Variants in C1orf87 observed in about 807,000 individuals in gnomAD.
C1orf87 encodes uncharacterized protein C1orf87.
A neutral mutation model predicts 60.5 loss-of-function variants in C1orf87; 58 were observed. The ratio of observed to expected loss-of-function variants is 0.96; its 90% confidence interval spans 0.78 to 1.19. The LOEUF is 1.19. Among genes scored for constraint, C1orf87 ranks in the 50% most tolerant of loss-of-function variants. The probability of loss-of-function intolerance (pLI) is 0.00; values close to 1 mark genes in which losing one functional copy is unlikely to be tolerated. For synonymous variants in C1orf87, 236 were observed against 227.4 expected, an observed-to-expected ratio of 1.04 and a Z score of -0.34; for missense variants, 673 against 638.6, an observed-to-expected ratio of 1.05 and a Z score of -0.58.
chr1:60,060,091 T>TTC (rs35383294), intron 2 of C1orf87, among the ~76,000 whole-genome samples: 1 of 51,268 alleles, frequency 2.0e-5, no homozygotes, highest in Admixed American at 1.5e-4. Context: ...TTTCTTTTTC[T>TTC]TTTTTTTTTT....
chr1:60,014,077 TC>T (rs751105196), intron 8 of C1orf87, among the ~76,000 whole-genome samples: 5 of 152,142 alleles, frequency 3.3e-5, no homozygotes, highest in Non-Finnish European at 7.4e-5. Context: ...CTTGCTTACT[TC>T]AACTTTCTGC....
At chr1:60,014,150 G>T (rs1458811375) in intron 8 of C1orf87, among the ~76,000 whole-genome samples, 2 of 152,124 alleles carry the variant, frequency 1.3e-5, no homozygotes, top group African/African-American at 4.8e-5. Flanking sequence ...GGTTAAGTGT[G>T]TATCCTTGGG....
chr1:60,054,474 T>C (rs1279953908), intron 3 of C1orf87, among the ~76,000 whole-genome samples: 2 of 152,274 alleles, frequency 1.3e-5, no homozygotes, highest in African/African-American at 4.8e-5. Flanking sequence ...TAGAGTGTAC[T>C]GCAGAATCTA....
intron 3 of C1orf87, among the ~76,000 whole-genome samples, chr1:60,046,907 A>T (rs1645376030): frequency 6.6e-6 from 1 of 152,252 alleles, no homozygotes; most frequent in Admixed American, 6.5e-5. Context: ...CTTGTAAAAT[A>T]GTAGTTAAAT....
intron 9 of C1orf87, among the ~76,000 whole-genome samples, chr1:60,008,277 A>AT (rs1356726905): frequency 2.0e-5 from 3 of 152,008 alleles, no homozygotes; most frequent in Non-Finnish European, 4.4e-5. Context: ...TTTCTTTTAT[A>AT]TTTTGCCCAT....
At chr1:60,014,568 A>G (rs768877009) in intron 8 of C1orf87, among the ~76,000 whole-genome samples, 1 of 152,170 alleles carries the variant, frequency 6.6e-6, no homozygotes, top group Non-Finnish European at 1.5e-5. Flanking sequence ...AAAGCACTAA[A>G]CACACAAAAT....
At chr1:60,010,875 T>C (rs1645078939) in intron 8 of C1orf87, 2 of 18,778 alleles carry the variant, frequency 1.1e-4, no homozygotes, top group Admixed American at 7.9e-4. Flanking sequence ...GCTGTTGATA[T>C]AAATAAATAA....
At chr1:60,063,073 A>C (rs556027309) in intron 2 of C1orf87, among the ~76,000 whole-genome samples, 24 of 152,326 alleles carry the variant, frequency 1.6e-4, no homozygotes, top group African/African-American at 5.8e-4. Context: ...GCTTAATAGA[A>C]GTATGATTTT....
intron 7 of C1orf87, among the ~76,000 whole-genome samples, chr1:60,032,444 T>G (rs936387602): frequency 4.1e-5 from 6 of 144,930 alleles, no homozygotes; most frequent in African/African-American, 1.5e-4. Flanking sequence ...TTTTTTTTTT[T>G]TTTTTTTTTT....
intron 3 of C1orf87, among the ~76,000 whole-genome samples, chr1:60,042,710 C>T (rs924583314): frequency 2.0e-5 from 3 of 152,178 alleles, no homozygotes; most frequent in African/African-American, 7.2e-5. Context: ...TTTGGAAAGC[C>T]AAGGCTTGCA....
intron 8 of C1orf87, among the ~76,000 whole-genome samples, chr1:60,013,785 G>C (rs1167453826): frequency 6.6e-6 from 1 of 151,398 alleles, no homozygotes; most frequent in African/African-American, 2.4e-5. Context: ...CTTGCTCACT[G>C]CTCACTAGAC....
chr1:60,029,855 G>A (rs1015650276), intron 7 of C1orf87, among the ~76,000 whole-genome samples: 1 of 151,744 alleles, frequency 6.6e-6, no homozygotes, highest in Non-Finnish European at 1.5e-5. Flanking sequence ...TGGCCAGGAT[G>A]GTCTCCATCT....
chr1:60,024,051 C>G (rs1015124844), intron 8 of C1orf87, among the ~76,000 whole-genome samples: 3 of 152,018 alleles, frequency 2.0e-5, no homozygotes, highest in Non-Finnish European at 4.4e-5. Flanking sequence ...TATAAGTGTT[C>G]TTTTAATATG....
At chr1:60,026,546 G>C (rs1316069675) in intron 7 of C1orf87, among the ~76,000 whole-genome samples, 1 of 151,580 alleles carries the variant, frequency 6.6e-6, no homozygotes, top group Non-Finnish European at 1.5e-5. Context: ...AGGAAGAAGA[G>C]AGGAAACAAG....
At position 60,024,804 on chromosome 1, in the gene C1orf87, G is replaced by A. The variant is rs1360288719; in HGVS notation, c.1127+597C>T. ...TGCCGTTCGATGTCTGAGAATCACT[G>A]CTTCATATATTTTGTCCTATTTTTA... On this transcript the variant is annotated intron_variant, in intron 8 of 11. Transcript: ENST00000371201. Among the ~76,000 whole-genome samples, 3 of 152,244 alleles carry A rather than the reference G, an allele frequency of 2.0e-5. No homozygotes were observed. In the East Asian group the frequency reaches 5.8e-4, roughly 29 times the overall value.
chr1:60,029,237 C>A (rs1174714541), intron 7 of C1orf87, among the ~76,000 whole-genome samples: 1 of 152,178 alleles, frequency 6.6e-6, no homozygotes, highest in African/African-American at 2.4e-5. Context: ...ACTTGCTTTT[C>A]TACCTCCTTG....
intron 4 of C1orf87, among the ~76,000 whole-genome samples, chr1:60,040,496 T>C (rs1350935271): frequency 6.6e-6 from 1 of 152,176 alleles, no homozygotes; most frequent in Non-Finnish European, 1.5e-5. Context: ...AATAACACAT[T>C]TTGGAGACCC....
At chr1:60,007,365 A>C (rs561032216) in intron 9 of C1orf87, among the ~76,000 whole-genome samples, 1 of 152,234 alleles carries the variant, frequency 6.6e-6, no homozygotes, top group Non-Finnish European at 1.5e-5. Flanking sequence ...TTTAATTTTT[A>C]TAAATTTAAG....
chr1:60,030,173 C>G (rs1645227597), intron 7 of C1orf87, among the ~76,000 whole-genome samples: 1 of 152,100 alleles, frequency 6.6e-6, no homozygotes, highest in Admixed American at 6.5e-5. Context: ...GTCCTCAGTG[C>G]CTACCACAAT....
Sources: allele counts gnomAD v4.1 joint callset (sites outside exome capture counted in the v4.1 genomes callset), GRCh38; gene constraint gnomAD v4.1.1; transcripts MANE v1.5; gene names NCBI Gene and HGNC (gene_info 2026-07-23, HGNC 2026-07-21).